The following CD163L1 variants were observed in gnomAD, a reference collection of about 807,000 sequenced individuals.
CD163L1 encodes scavenger receptor cysteine-rich type 1 protein M160.
CD163L1 carries 124 observed loss-of-function variants against 165.4 expected under a neutral mutation model. The ratio of observed to expected loss-of-function variants is 0.75; its 90% CI spans 0.65 to 0.87. The LOEUF is 0.87. Among genes scored for constraint, CD163L1 ranks in the 40% least tolerant of loss-of-function variants. The pLI is 0.00. For synonymous variants in CD163L1, 585 were observed against 662.2 expected (o/e 0.88, Z 1.79); for missense variants, 1,525 against 1,799.9 (o/e 0.85, Z 2.76).
chr12:7,412,487 TA>T (rs1166118195), intron 4 of CD163L1, among the ~76,000 whole-genome samples: 16 of 152,294 alleles, frequency 1.1e-4, no homozygotes, highest in Middle Eastern at 3.4e-3. Flanking sequence ...TTCCATGGAA[TA>T]AAAGTTGACA....
rs369011431 is a variant in CD163L1 at position 7,432,683 on chromosome 12, T to A, written c.499A>T (p.Arg167Ter). 1.7e-5 allele frequency: 27 copies of A among 1,613,806 alleles called. No homozygotes were observed. In the African/African-American group the frequency reaches 2.8e-4, roughly 17 times the overall value. ...CTTTCTTGGAATTTCACCTCCACTC[T>A]CCCTGAACAGGAGTTGTTTCCATCC... Reference protein sequence around the residue: ...LVDGNNSCSGRVEVKFQERWG... With the variant: ...LVDGNNSCSG The change falls in exon 4 of 20, where the codon AGA (arginine) becomes TGA (stop). Residue 167 changes from arginine to a stop codon, truncating the protein, a stop_gained. Transcript: ENST00000313599. LOFTEE classifies it high-confidence loss of function. This position sits in a 1 kb window ranked among gnomAD's most constrained non-coding sequence, Gnocchi z 4.2.
chr12:7,407,987 G>C (rs1346627455), intron 4 of CD163L1, among the ~76,000 whole-genome samples: 2 of 151,902 alleles, frequency 1.3e-5, no homozygotes, highest in African/African-American at 4.8e-5. Flanking sequence ...TCAGCGGTTG[G>C]TTGACTCCAT....
chr12:7,433,592 C>G lies in CD163L1; in HGVS notation c.227G>C (p.Gly76Ala). The G allele has an allele frequency of 1.2e-6, 2 of 1,614,178 alleles. No individual in the cohort carries two copies. Among genetic ancestry groups the G allele is most frequent in the Non-Finnish European group, 1.7e-6 (2 of 1,180,010 alleles). Residue 76 changes from glycine to alanine, a missense_variant, in exon 3 of 20, where the codon GGG becomes GCG. Gly to Ala is a moderately conservative substitution (Grantham distance 60). Coordinates refer to ENST00000313599, the MANE Select transcript of CD163L1 (RefSeq NM_174941.6). ...QGQWGTVCDDGWNTTASTVVC... is the reference protein window; with the variant it reads ...QGQWGTVCDDAWNTTASTVVC... ...GACAGTTGAGGCAGTAGTGTTCCAC[C>G]CATCATCACACACAGTCCCCCACTG...
rs997878444 is a variant in CD163L1, at chr12:7,437,164, T to A, written c.125-3470A>T. On this transcript the variant is annotated intron_variant, in intron 2 of 19. Transcript: ENST00000313599. ...ATTATTTTTATTATACTTTTATTTT[T>A]ATTAATAGTATTACTTTTATTTTTA... 5.4e-5 allele frequency among the ~76,000 whole-genome samples: 5 copies of A among 91,848 alleles called. No homozygotes were observed. In the South Asian group the frequency reaches 1.1e-3, roughly 20 times the overall value. 60.3% of individuals were successfully genotyped at this position (91,848 alleles called of 152,430 possible).
chr12:7,392,547 T>C (rs1463781545), intron 8 of CD163L1, among the ~76,000 whole-genome samples: 3 of 152,008 alleles, frequency 2.0e-5, no homozygotes, highest in African/African-American at 7.2e-5. Context: ...ATTCAAAAGC[T>C]AGCAGAAGGC....
At chr12:7,346,498 A>G (rs944436190), downstream of CD163L1, among the ~76,000 whole-genome samples, 6 of 152,080 alleles carry the variant, frequency 3.9e-5, no homozygotes, top group African/African-American at 1.4e-4. Flanking sequence ...TGTCTGCCCA[A>G]TACATTTCCT....
Position 7,398,730 on chromosome 12 carries a change from T to C in CD163L1, c.1409-146A>G, listed in dbSNP as rs1947837508. On this transcript the variant is annotated intron_variant, in intron 6 of 19. Transcript: ENST00000313599. The surrounding 1 kb of genome is among the most constrained non-coding windows in gnomAD (Gnocchi z 4.5). ...CTTTTGAATGAAAAGTTTGGTTTTC[T>C]TTCTTTTGACAATTTTTTATTCAAT... 10 of 653,556 alleles carry C rather than the reference T, an allele frequency of 1.5e-5. No homozygotes were observed. Among genetic ancestry groups the C allele is most frequent in the Non-Finnish European group, 2.3e-5 (10 of 434,936 alleles). 40.5% of individuals were successfully genotyped at this position (653,556 alleles called of 1,614,324 possible). A position where few individuals can be genotyped will look rare whatever the true frequency, so the allele number is the denominator to read the frequency against.
At chr12:7,421,031 ATATACGTGTATATATATG>A (rs1406922438) in intron 4 of CD163L1, among the ~76,000 whole-genome samples, 95 of 114,064 alleles carry the variant, frequency 8.3e-4, no homozygotes, top group East Asian at 2.7e-3. Context: ...ATACATATAT[ATATACGTGTATATATATG>A]TATATACGTA....
chr12:7,422,425 C>A (rs1229679633), intron 4 of CD163L1, among the ~76,000 whole-genome samples: 1 of 151,826 alleles, frequency 6.6e-6, no homozygotes, highest in East Asian at 1.9e-4. Context: ...GGGCACAAAA[C>A]TAGAGAGAAT....
At chr12:7,370,458 C>T (rs766586801) in intron 14 of CD163L1, among the ~76,000 whole-genome samples, 1 of 152,100 alleles carries the variant, frequency 6.6e-6, no homozygotes, top group Non-Finnish European at 1.5e-5. Context: ...CACATGAAGA[C>T]CAAAAGAGAA....
chr12:7,358,407 GTTC>G (rs376823544), intron 18 of CD163L1, among the ~76,000 whole-genome samples: 37 of 152,152 alleles, frequency 2.4e-4, no homozygotes, highest in Admixed American at 1.2e-3. Context: ...AAAATATTGT[GTTC>G]TTCTTAATGA....
chr12:7,410,267 G>T (rs1948109590), intron 4 of CD163L1, among the ~76,000 whole-genome samples: 1 of 152,098 alleles, frequency 6.6e-6, no homozygotes, highest in African/African-American at 2.4e-5. Context: ...TGGAGTTCCA[G>T]AGAGTAAAAA....
chr12:7,414,281 A>G (rs1948195014), intron 4 of CD163L1, among the ~76,000 whole-genome samples: 1 of 152,168 alleles, frequency 6.6e-6, no homozygotes, highest in African/African-American at 2.4e-5. Flanking sequence ...ACAATTGAAA[A>G]CAATGAAACA....
intron 8 of CD163L1, among the ~76,000 whole-genome samples, chr12:7,381,462 T>C (rs1398921065): frequency 1.3e-5 from 2 of 152,070 alleles, no homozygotes; most frequent in African/African-American, 4.8e-5. Flanking sequence ...AAAAATAGAG[T>C]TGTAATGTAT....
chr12:7,371,071 G>A (rs1188300560), intron 14 of CD163L1, among the ~76,000 whole-genome samples: 1 of 152,132 alleles, frequency 6.6e-6, no homozygotes, highest in Non-Finnish European at 1.5e-5. Context: ...GAGTTCCCCT[G>A]CACATGCTCT....
downstream of CD163L1, among the ~76,000 whole-genome samples, chr12:7,353,231 A>C (rs750841712): frequency 8.5e-5 from 13 of 152,208 alleles, no homozygotes; most frequent in East Asian, 2.3e-3. Context: ...AAGAGAAAAA[A>C]ATCGGTAAAT....
At chr12:7,323,101 A>C in the CD163L1 span, 3 of 793,644 alleles carry the variant, frequency 3.8e-6, 1 homozygote, top group Non-Finnish European at 2.0e-6. Flanking sequence ...TACTGGTTTC[A>C]AATAATATAT....
chr12:7,391,292 A>G (rs1040464306), intron 8 of CD163L1, among the ~76,000 whole-genome samples: 11 of 152,178 alleles, frequency 7.2e-5, no homozygotes, highest in African/African-American at 2.4e-4. Context: ...GAAAACTCTA[A>G]AAACCAGAGT....
At chr12:7,393,478 C>T (rs751878419) in intron 8 of CD163L1, among the ~76,000 whole-genome samples, 1 of 152,256 alleles carries the variant, frequency 6.6e-6, no homozygotes, top group Non-Finnish European at 1.5e-5. Flanking sequence ...ACTGAATGGG[C>T]AAAAGCTGGA....
Sources: allele counts gnomAD v4.1 joint callset (sites outside exome capture counted in the v4.1 genomes callset), GRCh38; gene constraint gnomAD v4.1.1; non-coding constraint Gnocchi (gnomAD v3.1); transcripts MANE v1.5; gene names NCBI Gene and HGNC (gene_info 2026-07-23, HGNC 2026-07-21).